DLGAP2: variants seen among roughly 807,000 people sequenced by gnomAD.
DLGAP2 encodes disks large-associated protein 2.
Under a neutral mutation model 100.3 loss-of-function variants are expected in DLGAP2, and 26 were observed. The observed-to-expected ratio is 0.26, with a 90% CI of 0.19 to 0.36. The LOEUF (loss-of-function observed/expected upper bound fraction) is 0.36. Ranked by LOEUF, DLGAP2 falls within the 10% of genes least tolerant of loss-of-function variation. The pLI is 1.00. For missense variants in DLGAP2, 1,858 were observed against 1,453.2 expected, an observed-to-expected ratio of 1.28 and a Z score of -4.53; for synonymous variants, 886 against 630.1, an observed-to-expected ratio of 1.41 and a Z score of -6.08.
chr8:1,418,272 T>G (rs1425128366), intron 3 of DLGAP2, among the ~76,000 whole-genome samples: 2 of 152,216 alleles, frequency 1.3e-5, no homozygotes, highest in African/African-American at 4.8e-5. Context: ...ACTAAGTCAT[T>G]TATTAAATAG....
chr8:1,090,825 C>T (rs1282798485), intron 2 of DLGAP2, among the ~76,000 whole-genome samples: 1 of 152,114 alleles, frequency 6.6e-6, no homozygotes, highest in Non-Finnish European at 1.5e-5. Context: ...TCATCGAGGA[C>T]TCTTATTGAT....
intron 3 of DLGAP2, among the ~76,000 whole-genome samples, chr8:1,334,468 C>T (rs1367609827): frequency 6.6e-6 from 1 of 152,178 alleles, no homozygotes; most frequent in Admixed American, 6.5e-5. Context: ...GTGGATTTCT[C>T]AGGCCTACTT....
At chr8:899,299 G>T (rs80174588) in intron 1 of DLGAP2, among the ~76,000 whole-genome samples, 198 of 152,362 alleles carry the variant, frequency 1.3e-3, no homozygotes, top group African/African-American at 4.5e-3. Context: ...GCCAAAGGTG[G>T]CCTTCCCGTG....
chr8:979,146 A>G (rs1202866806), intron 2 of DLGAP2, among the ~76,000 whole-genome samples: 2 of 152,218 alleles, frequency 1.3e-5, no homozygotes, highest in Non-Finnish European at 2.9e-5. Context: ...GGTGAGCTCA[A>G]CATTGTTAAG....
chr8:1,665,764 G>A (rs572397556), intron 8 of DLGAP2, among the ~76,000 whole-genome samples: 18 of 152,344 alleles, frequency 1.2e-4, no homozygotes, highest in African/African-American at 1.7e-4. Context: ...GGCCAGAGCC[G>A]TAGAATCTGA....
intron 3 of DLGAP2, among the ~76,000 whole-genome samples, chr8:1,268,176 A>T (rs1437559820): frequency 6.6e-6 from 1 of 152,206 alleles, no homozygotes; most frequent in South Asian, 2.1e-4. Flanking sequence ...TCTGGCATTG[A>T]AACAATTTTA....
At chr8:1,560,797 T>C (rs2906578) in intron 5 of DLGAP2, among the ~76,000 whole-genome samples, 85,574 of 152,162 alleles carry the variant, frequency 0.56, 24,844 homozygotes, top group African/African-American at 0.71. Context: ...AACAAAACAT[T>C]GGCAAATGTA....
Position 1,267,586 on chromosome 8 carries a change from AATAAGATAAG to A in DLGAP2, c.106+8733_106+8742del, listed in dbSNP as rs1186600186. Reference sequence around the variant, plus strand: ...AATAAAATAAAATAAAATAAAATAAAATAAGATAAGATAAGATAAGATAAGATAAGATAAG... The same window carrying A: ...AATAAAATAAAATAAAATAAAATAAAATAAGATAAGATAAGATAAGATAAG... On this transcript the variant is annotated intron_variant, in intron 3 of 14. Transcript: ENST00000637795. Among the ~76,000 whole-genome samples, 282 of 48,402 alleles carry A rather than the reference AATAAGATAAG, an allele frequency of 5.8e-3. 25 individuals are homozygous for A. Among genetic ancestry groups the A allele is most frequent in the South Asian group, 0.037 (75 of 2,006 alleles). 31.8% of individuals were successfully genotyped at this position (48,402 alleles called of 152,430 possible). A position where few individuals can be genotyped will look rare whatever the true frequency, so the allele number is the denominator to read the frequency against.
At chr8:839,262 T>C (rs2132713454) in intron 1 of DLGAP2, among the ~76,000 whole-genome samples, 1 of 152,290 alleles carries the variant, frequency 6.6e-6, no homozygotes, top group Middle Eastern at 3.4e-3. Flanking sequence ...GCACTCAGTG[T>C]GTTGAGATGT....
chr8:1,430,008 A>ATATATATATATG (rs1797369691), intron 3 of DLGAP2, among the ~76,000 whole-genome samples: 1 of 61,394 alleles, frequency 1.6e-5, no homozygotes, highest in Admixed American at 1.6e-4. Flanking sequence ...ATATATATAC[A>ATATATATATATG]TATATATATA....
At chr8:862,442 A>G (rs1389563602) in intron 1 of DLGAP2, among the ~76,000 whole-genome samples, 2 of 151,992 alleles carry the variant, frequency 1.3e-5, no homozygotes, top group African/African-American at 4.8e-5. Context: ...AGCTGAGACT[A>G]CAGGCACCCA....
chr8:1,355,570 G>T (rs982992423), intron 3 of DLGAP2, among the ~76,000 whole-genome samples: 1 of 152,050 alleles, frequency 6.6e-6, no homozygotes, highest in Non-Finnish European at 1.5e-5. Context: ...TCTCCATGTT[G>T]GTCAGGCTGG....
chr8:1,288,891 C>CAGTT (rs769195395), intron 3 of DLGAP2, among the ~76,000 whole-genome samples: 51 of 152,244 alleles, frequency 3.3e-4, no homozygotes, highest in Non-Finnish European at 5.6e-4. Flanking sequence ...CAAATGAATT[C>CAGTT]AGTTGCTCGG....
chr8:1,165,810 T>C (rs1166971812), intron 2 of DLGAP2, among the ~76,000 whole-genome samples: 2 of 152,172 alleles, frequency 1.3e-5, no homozygotes, highest in African/African-American at 4.8e-5. Flanking sequence ...ATTTTCTTCT[T>C]TGGCTATCAT....
chr8:1,700,979 A>T (rs73549762), intron 14 of DLGAP2, among the ~76,000 whole-genome samples: 39,347 of 152,132 alleles, frequency 0.26, 5,474 homozygotes, highest in African/African-American at 0.34. Context: ...GGAGAGTGCG[A>T]GGGAGCTTCC....
At chr8:1,156,861 T>C (rs1355925394) in intron 2 of DLGAP2, among the ~76,000 whole-genome samples, 4 of 152,198 alleles carry the variant, frequency 2.6e-5, no homozygotes, top group African/African-American at 9.6e-5. Flanking sequence ...AGAAAGGTTC[T>C]GATTTCCACG....
At chr8:1,315,098 C>T (rs1274224877) in intron 3 of DLGAP2, among the ~76,000 whole-genome samples, 1 of 152,244 alleles carries the variant, frequency 6.6e-6, no homozygotes, top group African/African-American at 2.4e-5. Context: ...AGCGGCGACA[C>T]CATAGAACCG....
At chr8:1,125,571 G>A (rs945878447) in intron 2 of DLGAP2, among the ~76,000 whole-genome samples, 1 of 152,094 alleles carries the variant, frequency 6.6e-6, no homozygotes, top group African/African-American at 2.4e-5. Flanking sequence ...ATTTCTTCTT[G>A]CGATCTAATC....
intron 3 of DLGAP2, among the ~76,000 whole-genome samples, chr8:1,380,860 C>A (rs747411407): frequency 2.2e-5 from 3 of 138,670 alleles, no homozygotes; most frequent in Non-Finnish European, 4.6e-5. Context: ...GAAAATAAAG[C>A]CATAAGAATT....
Sources: allele counts gnomAD v4.1 joint callset (sites outside exome capture counted in the v4.1 genomes callset), GRCh38; gene constraint gnomAD v4.1.1; transcripts MANE v1.5; gene names NCBI Gene and HGNC (gene_info 2026-07-23, HGNC 2026-07-21).